Variants in PACRG observed in about 807,000 individuals in gnomAD.
PACRG encodes parkin coregulated.
PACRG carries 29 observed loss-of-function variants against 29.7 expected under a neutral mutation model. The ratio of observed to expected loss-of-function variants is 0.98; its 90% CI spans 0.73 to 1.33. The LOEUF (loss-of-function observed/expected upper bound fraction) is 1.33, where lower values mean the gene tolerates loss of function less well. Among genes scored for constraint, PACRG ranks in the 40% most tolerant of loss-of-function variants. The pLI is 0.00. For synonymous variants in PACRG, 116 were observed against 118.7 expected (o/e 0.98, Z 0.15); for missense variants, 279 against 316.2 (o/e 0.88, Z 0.89).
chr6:163,099,558 ATATCACC>A (rs1814895130), intron 4 of PACRG, among the ~76,000 whole-genome samples: 1 of 152,200 alleles, frequency 6.6e-6, no homozygotes, highest in African/African-American at 2.4e-5. Flanking sequence ...GTCCCCTAAA[ATATCACC>A]TATTCTGGAT....
chr6:162,881,589 G>A (rs964056012), intron 2 of PACRG, among the ~76,000 whole-genome samples: 2 of 152,062 alleles, frequency 1.3e-5, no homozygotes, highest in Non-Finnish European at 2.9e-5. Context: ...AGACCCGGGG[G>A]CACTCTCCAC....
intron 2 of PACRG, among the ~76,000 whole-genome samples, chr6:162,963,441 A>G (rs1584886501): frequency 6.6e-6 from 1 of 152,044 alleles, no homozygotes; most frequent in South Asian, 2.1e-4. Context: ...TCATGTGTAT[A>G]TAATGACATA....
At position 163,274,493 on chromosome 6, in the gene PACRG, C is replaced by T. The variant is rs758260488; in HGVS notation, c.614-40334C>T. On this transcript the variant is annotated intron_variant, in intron 4 of 4. Coordinates refer to ENST00000366888, the MANE Select transcript of PACRG (RefSeq NM_001080379.2). The stretch of plus-strand genomic sequence containing the variant: ...TGTGAATAGTGCCTCAATAAACATA[C>T]GTGTGCATGTCTCTTTATAGCAGCA... Among the ~76,000 whole-genome samples, 15 of 152,214 alleles carry T rather than the reference C, an allele frequency of 9.9e-5. No individual in the cohort carries two copies. The South Asian group carries it at 1.0e-3, about 11-fold the overall frequency.
chr6:162,993,192 T>C (rs1466157871), intron 2 of PACRG, among the ~76,000 whole-genome samples: 1 of 151,800 alleles, frequency 6.6e-6, no homozygotes, highest in Non-Finnish European at 1.5e-5. Context: ...AGGTGTGGTG[T>C]GGTGCTGAAA....
At chr6:162,869,481 T>C (rs1792612608) in intron 2 of PACRG, among the ~76,000 whole-genome samples, 1 of 152,184 alleles carries the variant, frequency 6.6e-6, no homozygotes, top group Admixed American at 6.5e-5. Flanking sequence ...AAAAAAAGCG[T>C]GATTTTTGTG....
intron 1 of PACRG, among the ~76,000 whole-genome samples, chr6:162,811,186 A>T (rs1786834285): frequency 6.6e-6 from 1 of 152,214 alleles, no homozygotes; most frequent in Non-Finnish European, 1.5e-5. Context: ...TCCTACATCC[A>T]GTTAAAATGT....
intron 4 of PACRG, among the ~76,000 whole-genome samples, chr6:163,103,690 T>A (rs1381833904): frequency 6.6e-6 from 1 of 152,040 alleles, no homozygotes; most frequent in Non-Finnish European, 1.5e-5. Flanking sequence ...AGAATTGAGG[T>A]TTTGGAATGA....
intron 4 of PACRG, among the ~76,000 whole-genome samples, chr6:163,115,409 G>A (rs74358868): frequency 0.041 from 6,217 of 152,178 alleles, 433 homozygotes; most frequent in African/African-American, 0.14. Flanking sequence ...TATGCTGTGT[G>A]GATGGTAAAT....
intron 2 of PACRG, among the ~76,000 whole-genome samples, chr6:163,048,956 GT>G (rs1185739303): frequency 6.6e-6 from 1 of 152,010 alleles, no homozygotes; most frequent in African/African-American, 2.4e-5. Flanking sequence ...TAAAGAATGT[GT>G]TTTATCTAAC....
intron 1 of PACRG, among the ~76,000 whole-genome samples, chr6:162,757,056 G>A (rs1350432600): frequency 6.6e-6 from 1 of 151,412 alleles, no homozygotes; most frequent in African/African-American, 2.4e-5. Flanking sequence ...TGCTTATTGT[G>A]AATTTATGTT....
chr6:162,802,974 C>T (rs944420964), intron 1 of PACRG, among the ~76,000 whole-genome samples: 4 of 152,014 alleles, frequency 2.6e-5, no homozygotes, highest in African/African-American at 7.2e-5. Context: ...AAAAGTTGCC[C>T]GTTTCCATAG....
At chr6:163,109,963 C>G (rs951511785) in intron 4 of PACRG, among the ~76,000 whole-genome samples, 5 of 138,098 alleles carry the variant, frequency 3.6e-5, no homozygotes, top group Admixed American at 2.0e-4. Flanking sequence ...CAAGATAGAG[C>G]TTGACCACTG....
intron 4 of PACRG, among the ~76,000 whole-genome samples, chr6:163,228,811 G>A (rs754889976): frequency 3.3e-5 from 5 of 152,144 alleles, no homozygotes; most frequent in South Asian, 2.1e-4. Context: ...CTTAAAGGTC[G>A]CAGAATGAGT....
chr6:163,199,220 A>G (rs925354893), intron 4 of PACRG, among the ~76,000 whole-genome samples: 4 of 152,246 alleles, frequency 2.6e-5, no homozygotes, highest in African/African-American at 4.8e-5. Flanking sequence ...AATGTACTCA[A>G]TGAAGCTCTG....
At chr6:163,024,178 C>T (rs1036442034) in intron 2 of PACRG, among the ~76,000 whole-genome samples, 1 of 152,156 alleles carries the variant, frequency 6.6e-6, no homozygotes, top group African/African-American at 2.4e-5. Flanking sequence ...CCTAGATTGC[C>T]TTCCAGGATT....
At chr6:162,866,450 CA>C (rs1041030926) in intron 2 of PACRG, among the ~76,000 whole-genome samples, 2 of 152,154 alleles carry the variant, frequency 1.3e-5, no homozygotes, top group African/African-American at 4.8e-5. Flanking sequence ...AGTCTGGCAA[CA>C]TTTATGTGCC....
chr6:163,031,705 T>A (rs546712092), intron 2 of PACRG, among the ~76,000 whole-genome samples: 2 of 152,344 alleles, frequency 1.3e-5, no homozygotes, highest in East Asian at 1.9e-4. Context: ...AAATCTTAGA[T>A]AAGACTTTTT....
chr6:162,988,839 G>A (rs190808355), intron 2 of PACRG, among the ~76,000 whole-genome samples: 19 of 152,216 alleles, frequency 1.2e-4, no homozygotes, highest in Middle Eastern at 6.8e-3. Flanking sequence ...ACAGGTTATA[G>A]TAAAAGAAAA....
At chr6:163,084,326 T>C (rs1334383708) in intron 3 of PACRG, among the ~76,000 whole-genome samples, 1 of 152,146 alleles carries the variant, frequency 6.6e-6, no homozygotes, top group Non-Finnish European at 1.5e-5. Flanking sequence ...GGAAAAGAAC[T>C]GTTTCAAAAA....
Sources: gnomAD v4.1 joint callset for allele counts (sites outside exome capture counted in the v4.1 genomes callset) on GRCh38, gnomAD v4.1.1 for gene constraint, MANE v1.5 for transcripts, NCBI Gene and HGNC (gene_info 2026-07-23, HGNC 2026-07-21) for gene names.